The following AGPAT3 variants were observed in gnomAD, a reference collection of about 807,000 sequenced individuals.
AGPAT3 encodes the protein 1-acylglycerol-3-phosphate O-acyltransferase 3.
In AGPAT3, 5 loss-of-function variants were observed where a neutral mutation model predicts 47.3. The observed-to-expected ratio is 0.11, with a 90% CI of 0.06 to 0.22. The LOEUF (loss-of-function observed/expected upper bound fraction) is 0.22. Among genes scored for constraint, AGPAT3 ranks in the 10% least tolerant of loss-of-function variants. The pLI, the probability that AGPAT3 is intolerant of heterozygous loss-of-function variation, is 1.00. For synonymous variants in AGPAT3, 212 were observed against 208.3 expected (o/e 1.02, Z -0.15); for missense variants, 315 against 493.0 (o/e 0.64, Z 3.42).
At chr21:43,938,381 C>T (rs1292117696) in intron 2 of AGPAT3, among the ~76,000 whole-genome samples, 3 of 141,316 alleles carry the variant, frequency 2.1e-5, no homozygotes, top group East Asian at 4.2e-4. Flanking sequence ...CTGGAGTGCT[C>T]ACTGTAACCT....
At chr21:43,870,677 G>T (rs763309836) in intron 1 of AGPAT3, among the ~76,000 whole-genome samples, 1 of 152,144 alleles carries the variant, frequency 6.6e-6, no homozygotes, top group Admixed American at 6.5e-5. Flanking sequence ...AGCTGAGATC[G>T]TGCCACTGCA....
At chr21:43,963,817 G>A (rs964199756) in intron 3 of AGPAT3, among the ~76,000 whole-genome samples, 1 of 152,014 alleles carries the variant, frequency 6.6e-6, no homozygotes, top group African/African-American at 2.4e-5. Context: ...GATTTCTTAC[G>A]GCAGGCAGCA....
chr21:43,876,778 C>G (rs1173801285), intron 1 of AGPAT3, among the ~76,000 whole-genome samples: 2 of 152,300 alleles, frequency 1.3e-5, no homozygotes, highest in South Asian at 2.1e-4. Context: ...GTGTTTAAAG[C>G]TGGGAAGCCT....
chr21:43,923,292 G>A lies in AGPAT3; in HGVS notation c.-49+19273G>A, dbSNP rs2086950169. ...CCAGATTCATGCACTCGGGGACCGG[G>A]CAACGCCTCGGGAAGCAGCCTGCGC... On this transcript the variant is annotated intron_variant, in intron 2 of 9. Transcript: ENST00000291572. Among the ~76,000 whole-genome samples, 3 of 152,326 alleles carry A rather than the reference G, an allele frequency of 2.0e-5. No homozygotes were observed. The South Asian group carries it at 6.2e-4, about 32-fold the overall frequency.
intron 2 of AGPAT3, among the ~76,000 whole-genome samples, chr21:43,911,185 A>G (rs920732809): frequency 4.6e-5 from 7 of 152,232 alleles, no homozygotes; most frequent in Non-Finnish European, 7.3e-5. Flanking sequence ...TTTACTACAC[A>G]TAGATCTACT....
chr21:43,886,532 A>G (rs9982945), intron 1 of AGPAT3, among the ~76,000 whole-genome samples: 17,841 of 152,200 alleles, frequency 0.12, 2,137 homozygotes, highest in African/African-American at 0.31. Flanking sequence ...GATTACAAGC[A>G]TGAGCCATCA....
intron 2 of AGPAT3, among the ~76,000 whole-genome samples, chr21:43,906,435 T>C (rs927565597): frequency 6.6e-6 from 1 of 152,128 alleles, no homozygotes; most frequent in Non-Finnish European, 1.5e-5. Context: ...AATAAACATC[T>C]GAAAAGGCAT....
chr21:43,871,504 A>G (rs962099472), intron 1 of AGPAT3, among the ~76,000 whole-genome samples: 4 of 152,240 alleles, frequency 2.6e-5, no homozygotes, highest in African/African-American at 9.6e-5. Context: ...ACCTGTTTAC[A>G]TGGAATGTTC....
At chr21:43,897,263 C>T (rs572999606) in intron 1 of AGPAT3, among the ~76,000 whole-genome samples, 2 of 152,020 alleles carry the variant, frequency 1.3e-5, no homozygotes, top group Admixed American at 6.6e-5. Context: ...TCAGAGAGCA[C>T]GGGGTTGGGG....
At chr21:43,973,315 C>G (rs539173746) in intron 7 of AGPAT3, among the ~76,000 whole-genome samples, 3 of 152,348 alleles carry the variant, frequency 2.0e-5, no homozygotes, top group Non-Finnish European at 2.9e-5. Context: ...GTCCAGATGG[C>G]AGGCTGGGAC....
chr21:43,897,166 A>G (rs1401001224), intron 1 of AGPAT3, among the ~76,000 whole-genome samples: 1 of 151,736 alleles, frequency 6.6e-6, no homozygotes, highest in Non-Finnish European at 1.5e-5. Context: ...ACTCTTAAGG[A>G]GCATGCTGCC....
chr21:43,957,601 C>T (rs995739705), intron 2 of AGPAT3, among the ~76,000 whole-genome samples: 4 of 145,972 alleles, frequency 2.7e-5, no homozygotes, highest in Non-Finnish European at 6.0e-5. Context: ...GTTTCCCCCT[C>T]CACGCGGGGG....
chr21:43,935,097 G>T lies in AGPAT3; in HGVS notation c.-48-24537G>T, dbSNP rs893582384. 2.0e-5 allele frequency among the ~76,000 whole-genome samples: 3 copies of T among 152,366 alleles called. No individual in the cohort carries two copies. In the South Asian group the frequency reaches 6.2e-4, roughly 32 times the overall value. On this transcript the variant is annotated intron_variant, in intron 2 of 9. Transcript: ENST00000291572. ...CCAGTGTGGAGGCTGGACAGGGGGG[G>T]CTTCTCACCTGAGAGCGTGAGGAAG...
In AGPAT3 at chr21:43,932,810, C is replaced by T. The variant is rs1434201799; in HGVS notation, c.-48-26824C>T. Among the ~76,000 whole-genome samples, 3 of 152,154 alleles carry T rather than the reference C, an allele frequency of 2.0e-5. No individual in the cohort carries two copies. The highest frequency in any genetic ancestry group is 4.4e-5 in the Non-Finnish European group (3 of 68,022). ...GGATTACAGACGCCCGCCACCATGC[C>T]GGGCTAATTTTGTATGTTTAGTAGA... On this transcript the variant is annotated intron_variant, in intron 2 of 9. Transcript: ENST00000291572. This position sits in a 1 kb window ranked among gnomAD's most constrained non-coding sequence, Gnocchi z 5.2.
At chr21:43,949,553 A>G (rs6518339) in intron 2 of AGPAT3, among the ~76,000 whole-genome samples, 92,516 of 152,098 alleles carry the variant, frequency 0.61, 28,675 homozygotes, top group Middle Eastern at 0.71. Context: ...TTCTATTGAT[A>G]GGGTGAGCCC....
chr21:43,934,431 G>A lies in AGPAT3; in HGVS notation c.-48-25203G>A, dbSNP rs1216962495. Among the ~76,000 whole-genome samples, 9 of 152,256 alleles carry A rather than the reference G, an allele frequency of 5.9e-5. No individual in the cohort carries two copies. The highest frequency in any genetic ancestry group is 1.9e-4 in the African/African-American group (8 of 41,470). On this transcript the variant is annotated intron_variant, in intron 2 of 9. Coordinates refer to ENST00000291572, the MANE Select transcript of AGPAT3 (RefSeq NM_020132.5). The surrounding 1 kb of genome is among the most constrained non-coding windows in gnomAD (Gnocchi z 4.7). ...CGTCGGCTGCCTGGCCCTGGCCTGC[G>A]TGGCAGCGCAACCTCGTTGGTAGAG...
chr21:43,986,634 T>C lies in AGPAT3; in HGVS notation c.*4242T>C, dbSNP rs902218650. ...AATGCCAGGAAATTCAACTGGCCTT[T>C]TAATCAGCAAGATCGCCAGCAAGTA... On this transcript the variant is annotated 3_prime_UTR_variant, in exon 10 of 10. Transcript: ENST00000291572. 3 of 152,650 alleles carry C rather than the reference T, an allele frequency of 2.0e-5. No homozygotes were observed. The South Asian group carries it at 6.2e-4, about 32-fold the overall frequency. The allele number at this position is 152,650 out of a possible 1,614,324, so 9.5% of individuals were successfully genotyped here.
intron 2 of AGPAT3, among the ~76,000 whole-genome samples, chr21:43,951,446 C>T (rs182689359): frequency 3.0e-4 from 45 of 152,340 alleles, no homozygotes; most frequent in African/African-American, 9.9e-4. Context: ...CTCGGAAGGG[C>T]GGCTTGGGCA....
chr21:43,918,100 T>G (rs2086793808), intron 2 of AGPAT3, among the ~76,000 whole-genome samples: 1 of 129,676 alleles, frequency 7.7e-6, no homozygotes, highest in Non-Finnish European at 1.6e-5. Context: ...GGTGTTGTGT[T>G]GTGGGTGTTG....
Sources: allele counts gnomAD v4.1 joint callset (sites outside exome capture counted in the v4.1 genomes callset), GRCh38; gene constraint gnomAD v4.1.1; non-coding constraint Gnocchi (gnomAD v3.1); transcripts MANE v1.5; gene names NCBI Gene and HGNC (gene_info 2026-07-23, HGNC 2026-07-21).